Variants in MYBPC2 observed in about 807,000 individuals in gnomAD.
MYBPC2 encodes myosin-binding protein C, fast-type.
In MYBPC2, 122 loss-of-function variants were observed where a neutral mutation model predicts 137.0. The observed-to-expected ratio is 0.89, with a 90% CI of 0.77 to 1.03. MYBPC2 has a LOEUF of 1.03. MYBPC2 is among the 50% of genes least tolerant of loss of function. The pLI is 0.00. For missense variants in MYBPC2, 1,500 were observed against 1,534.4 expected (o/e 0.98, Z 0.37); for synonymous variants, 626 against 612.3 (o/e 1.02, Z -0.33).
intron 16 of MYBPC2, among the ~76,000 whole-genome samples, chr19:50,453,307 C>T (rs1398060911): frequency 2.0e-5 from 3 of 152,198 alleles, no homozygotes; most frequent in East Asian, 3.9e-4. Flanking sequence ...AGCCACAGTC[C>T]AGGGTGCTCT....
In MYBPC2 at chr19:50,454,386, T is replaced by C. The variant is rs746733299; in HGVS notation, c.2014+17T>C. The stretch of plus-strand genomic sequence containing the variant: ...CAGTCACCGGTGAGTGCCTCTGTCC[T>C]CATGACCTCTGACCTTCCCTCTTTC... On this transcript the variant is annotated intron_variant, in intron 18 of 27. Transcript: ENST00000357701. 19 of 1,508,522 alleles carry C rather than the reference T, an allele frequency of 1.3e-5. No individual in the cohort carries two copies. The East Asian group carries it at 4.3e-4, about 34-fold the overall frequency. 93.4% of individuals were successfully genotyped at this position (1,508,522 alleles called of 1,614,324 possible). A position where few individuals can be genotyped will look rare whatever the true frequency, so the allele number is the denominator to read the frequency against.
intron 24 of MYBPC2, 120 bp downstream of exon 24, chr19:50,460,299 GC>G: frequency 1.5e-6 from 2 of 1,379,062 alleles, no homozygotes; most frequent in Non-Finnish European, 1.9e-6. Context: ...ACGGGCTGGG[GC>G]CAGGAGGGAA....
At chr19:50,453,279 G>A (rs2039877523) in intron 16 of MYBPC2, among the ~76,000 whole-genome samples, 1 of 152,080 alleles carries the variant, frequency 6.6e-6, no homozygotes, top group Non-Finnish European at 1.5e-5. Flanking sequence ...TTGCGGAGAC[G>A]CAAACACCTG....
In MYBPC2 at chr19:50,459,229, C is replaced by G; in HGVS notation, c.2714C>G (p.Ser905Cys). 1 of 1,611,400 alleles carries G rather than the reference C, an allele frequency of 6.2e-7. No individual in the cohort carries two copies. The highest frequency in any genetic ancestry group is 8.5e-7 in the Non-Finnish European group (1 of 1,179,568). The change falls in exon 23 of 28, where the codon TCC becomes TGC. Residue 905 changes from serine (S) to cysteine (C), a missense_variant. Coordinates refer to ENST00000357701, the MANE Select transcript of MYBPC2 (RefSeq NM_004533.4). Reference sequence around the variant, plus strand: ...TTCTTCGTGCGCCAGGCGGCCCGCTCCGACTCCGGGGAGTACGAGCTGAGC... The same window carrying G: ...TTCTTCGTGCGCCAGGCGGCCCGCTGCGACTCCGGGGAGTACGAGCTGAGC... Reference protein sequence around the residue: ...TVFFVRQAARSDSGEYELSVQ... With the variant: ...TVFFVRQAARCDSGEYELSVQ...
chr19:50,437,445 C>T (rs2039713871), intron 5 of MYBPC2, 28 bp from the exon 6 acceptor site: 1 of 1,604,290 alleles, frequency 6.2e-7, no homozygotes, highest in African/African-American at 1.3e-5. Context: ...TCTAACTCAC[C>T]TTCCCTTCTC....
intron 20 of MYBPC2, among the ~76,000 whole-genome samples, chr19:50,456,435 CTTT>C (rs573334192): frequency 7.6e-6 from 1 of 132,364 alleles, no homozygotes; most frequent in South Asian, 2.3e-4. Flanking sequence ...CTCTCTCTCT[CTTT>C]TTTTTTTTTT....
chr19:50,465,644 C>T lies in MYBPC2; in HGVS notation c.3416-551C>T, dbSNP rs2040009007. The stretch of plus-strand genomic sequence containing the variant: ...GTTGCTTGAGCCCAGGAGTTCAAGA[C>T]CAGCCTGGGCAACATGGCGAAACCC... On this transcript the variant is annotated intron_variant, in intron 27 of 27. Transcript: ENST00000357701. This position sits in a 1 kb window ranked among gnomAD's most constrained non-coding sequence, Gnocchi z 4.5. Among the ~76,000 whole-genome samples the T allele has an allele frequency of 6.6e-6, 1 of 152,178 alleles. No homozygotes were observed. The highest frequency in any genetic ancestry group is 2.4e-5 in the African/African-American group (1 of 41,448).
At chr19:50,447,149 C>T (rs2039813624) in intron 12 of MYBPC2, among the ~76,000 whole-genome samples, 1 of 152,064 alleles carries the variant, frequency 6.6e-6, no homozygotes, top group Admixed American at 6.6e-5. Context: ...CAGTACCCGC[C>T]AGAGTGAGCC....
At chr19:50,437,627 T>C (rs746872123) in intron 6 of MYBPC2, 32 bp from the exon 7 acceptor site, 1 of 1,596,316 alleles carries the variant, frequency 6.3e-7, no homozygotes, top group Admixed American at 1.8e-5. Flanking sequence ...ATCTGAAGGG[T>C]CAAGACTCAC....
chr19:50,439,403 C>T (rs1033089592), intron 7 of MYBPC2, among the ~76,000 whole-genome samples: 3 of 151,866 alleles, frequency 2.0e-5, no homozygotes, highest in African/African-American at 7.3e-5. Flanking sequence ...TATTCATGTC[C>T]CCACATTCAC....
chr19:50,452,035 C>G lies in MYBPC2; in HGVS notation c.1749+32C>G, dbSNP rs764986039. 3 of 1,545,436 alleles carry G rather than the reference C, an allele frequency of 1.9e-6. No homozygotes were observed. In the East Asian group the frequency reaches 7.3e-5, roughly 38 times the overall value. ...TGGGGCCGCCCCTCTGTCCTCACTC[C>G]CTTTCCGTTTAGGCAAGTCTCTTTC... On this transcript the variant is annotated intron_variant, in intron 16 of 27. Coordinates refer to ENST00000357701, the MANE Select transcript of MYBPC2 (RefSeq NM_004533.4).
chr19:50,436,766 T>A (rs1211264723), intron 5 of MYBPC2, 32 bp downstream of exon 5: 6 of 1,597,506 alleles, frequency 3.8e-6, no homozygotes, highest in Non-Finnish European at 5.1e-6. Context: ...GAGCAAAGGG[T>A]TCTATGTCTG....
chr19:50,437,758 C>A, intron 7 of MYBPC2, 40 bp downstream of exon 7: 1 of 1,574,994 alleles, frequency 6.3e-7, no homozygotes, highest in South Asian at 1.2e-5. Context: ...AGATGGGACT[C>A]AAGGGGAGGA....
intron 1 of MYBPC2, among the ~76,000 whole-genome samples, chr19:50,434,857 C>T (rs2039687241): frequency 6.6e-6 from 1 of 152,192 alleles, no homozygotes; most frequent in African/African-American, 2.4e-5. Flanking sequence ...TACCCTCGGA[C>T]CCAAAAGGTC....
At chr19:50,461,850 CA>C in intron 25 of MYBPC2, 49 bp from the exon 26 acceptor site, 4 of 1,579,668 alleles carry the variant, frequency 2.5e-6, no homozygotes, top group Non-Finnish European at 3.4e-6. Flanking sequence ...TGGTTGGTGT[CA>C]GGGGAGAATC....
intron 11 of MYBPC2, among the ~76,000 whole-genome samples, chr19:50,444,728 A>C (rs975230494): frequency 6.6e-6 from 1 of 151,442 alleles, no homozygotes; most frequent in Admixed American, 6.6e-5. Context: ...AAAATACAAA[A>C]AATTAGCCGG....
rs1311275147 is a variant in MYBPC2, at chr19:50,462,036, G to A, written c.3228G>A (p.Lys1076=). The A allele has an allele frequency of 3.2e-6, 5 of 1,572,340 alleles. No homozygotes were observed. The highest frequency in any genetic ancestry group is 3.7e-5 in the Admixed American group (2 of 53,424). The change falls in exon 26 of 28, where the codon AAG becomes AAA. Residue 1076 remains lysine (K), a splice_region_variant and synonymous_variant. Transcript: ENST00000357701. The stretch of plus-strand genomic sequence containing the variant: ...ACTGTGCTGTCAGAGGCCACCCGAA[G>A]GTGCCAGGGCAGGGACCCAGATCTG... The part of the protein sequence containing the change: ...ALNCAVRGHP[K]PKVVWMKNKM...
At chr19:50,454,950 G>A (rs2293456) in intron 18 of MYBPC2, among the ~76,000 whole-genome samples, 158 bp from the exon 19 acceptor site, 37,691 of 151,768 alleles carry the variant, frequency 0.25, 4,758 homozygotes, top group Non-Finnish European at 0.28. Context: ...CAGGACTGGT[G>A]GCCTCTGAAT....
chr19:50,461,699 C>T lies in MYBPC2; in HGVS notation c.3089C>T (p.Thr1030Ile), dbSNP rs577903801. 1.2e-6 allele frequency: 2 copies of T among 1,613,420 alleles called. No individual in the cohort carries two copies. Among genetic ancestry groups the T allele is most frequent in the African/African-American group, 2.7e-5 (2 of 74,972 alleles). ...VSKNTARILK[T>I]GITFKPFEYK... ...AAGAACACGGCCCGCATCCTCAAGA[C>T]AGGTACAGCCATCCTGCCCCACAGC... Residue 1030 changes from threonine (T) to isoleucine (I), a missense_variant and splice_region_variant, in exon 25 of 28, where the codon ACA becomes ATA. Thr to Ile is a moderately conservative substitution (Grantham distance 89). Coordinates refer to ENST00000357701, the MANE Select transcript of MYBPC2 (RefSeq NM_004533.4).
Sources: allele counts gnomAD v4.1 joint callset (sites outside exome capture counted in the v4.1 genomes callset), GRCh38; gene constraint gnomAD v4.1.1; non-coding constraint Gnocchi (gnomAD v3.1); transcripts MANE v1.5; gene names NCBI Gene and HGNC (gene_info 2026-07-23, HGNC 2026-07-21).